MMP26: variants seen among roughly 807,000 people sequenced by gnomAD.
MMP26 encodes matrix metalloproteinase-26.
In MMP26, 33 loss-of-function variants were observed where a neutral mutation model predicts 31.0. The ratio of observed to expected loss-of-function variants is 1.06; its 90% CI spans 0.81 to 1.42. The LOEUF (loss-of-function observed/expected upper bound fraction) is 1.42. Ranked by LOEUF, MMP26 falls within the 40% of genes most tolerant of loss-of-function variation. MMP26 has a pLI of 0.00. For synonymous variants in MMP26, 122 were observed against 114.9 expected, an observed-to-expected ratio of 1.06 and a Z score of -0.40; for missense variants, 347 against 316.1, an observed-to-expected ratio of 1.10 and a Z score of -0.74.
At chr11:4,721,237 T>C (rs1027667889) in intron 1 of MMP26, among the ~76,000 whole-genome samples, 1 of 152,134 alleles carries the variant, frequency 6.6e-6, no homozygotes, top group Non-Finnish European at 1.5e-5. Flanking sequence ...ATGGTCATGA[T>C]AGGGGTTTTA....
intron 2 of MMP26, among the ~76,000 whole-genome samples, chr11:4,820,242 A>T (rs1849477018): frequency 6.6e-6 from 1 of 152,216 alleles, no homozygotes; most frequent in Non-Finnish European, 1.5e-5. Context: ...AATTTGGGGC[A>T]AATTACTTAA....
In MMP26 at chr11:4,804,196, A is replaced by G. The variant is rs61746698; in HGVS notation, c.-145+36855A>G. 1.6e-4 allele frequency: 251 copies of G among 1,614,176 alleles called. 2 individuals are homozygous for G. In the African/African-American group the frequency reaches 2.5e-3, roughly 16 times the overall value. On this transcript the variant is annotated intron_variant, in intron 2 of 7. Transcript: ENST00000380390. Reference sequence around the variant, plus strand: ...GGCCAGCATGGCCAGAAAGAGGTACATGGGCTCATGCAGGGTGTGGTCAAT... The same window carrying G: ...GGCCAGCATGGCCAGAAAGAGGTACGTGGGCTCATGCAGGGTGTGGTCAAT...
chr11:4,923,570 A>G (rs764674070), intron 2 of MMP26: 1 of 1,614,126 alleles, frequency 6.2e-7, no homozygotes, highest in Non-Finnish European at 8.5e-7. Context: ...CAAGCCAATC[A>G]TGGGGATGTA....
At chr11:4,809,554 G>T (rs1186116848) in intron 2 of MMP26, among the ~76,000 whole-genome samples, 1 of 152,180 alleles carries the variant, frequency 6.6e-6, no homozygotes, top group Non-Finnish European at 1.5e-5. Flanking sequence ...TCAACTGAGA[G>T]ATTTTGCTAA....
intron 2 of MMP26, among the ~76,000 whole-genome samples, chr11:4,915,976 C>A (rs1057064630): frequency 3.9e-5 from 6 of 152,108 alleles, no homozygotes; most frequent in African/African-American, 1.4e-4. Flanking sequence ...ACTTCTGTAT[C>A]AACCAGGTCT....
chr11:4,732,384 T>C (rs1444607935), intron 1 of MMP26, among the ~76,000 whole-genome samples: 1 of 152,128 alleles, frequency 6.6e-6, no homozygotes. Context: ...TCTTTAATTC[T>C]TTTTTAATAC....
intron 2 of MMP26, among the ~76,000 whole-genome samples, chr11:4,957,125 C>A (rs1236673927): frequency 6.6e-6 from 1 of 152,062 alleles, no homozygotes; most frequent in Non-Finnish European, 1.5e-5. Context: ...TCAGGATGGT[C>A]AAGCAATATT....
intron 2 of MMP26, among the ~76,000 whole-genome samples, chr11:4,771,878 A>G (rs1469753): frequency 0.19 from 28,265 of 149,672 alleles, 4,012 homozygotes; most frequent in African/African-American, 0.42. Flanking sequence ...AACCCTCATG[A>G]TATCTGACTT....
intron 2 of MMP26, among the ~76,000 whole-genome samples, chr11:4,839,178 C>A (rs886462041): frequency 6.6e-6 from 1 of 152,134 alleles, no homozygotes; most frequent in African/African-American, 2.4e-5. Context: ...CTGATCCCAG[C>A]AGTCAAAACT....
At chr11:4,847,453 A>C (rs1849888234) in intron 2 of MMP26, 1 of 150,944 alleles carries the variant, frequency 6.6e-6, no homozygotes, top group African/African-American at 2.4e-5. Flanking sequence ...GAAATATGCA[A>C]AAATTTAAAA....
chr11:4,938,699 A>G (rs1443821236), intron 2 of MMP26, among the ~76,000 whole-genome samples: 1 of 152,166 alleles, frequency 6.6e-6, no homozygotes, highest in South Asian at 2.1e-4. Context: ...CAAAATTTTG[A>G]AGGGAACAGC....
At chr11:4,789,524 C>A (rs1316674659) in intron 2 of MMP26, among the ~76,000 whole-genome samples, 2 of 131,046 alleles carry the variant, frequency 1.5e-5, no homozygotes, top group East Asian at 2.0e-4. Context: ...TAAAGATATC[C>A]CCCCACTTTT....
intron 2 of MMP26, chr11:4,882,619 C>T (rs1850490562): frequency 1.9e-6 from 3 of 1,613,930 alleles, no homozygotes; most frequent in Non-Finnish European, 1.7e-6. Flanking sequence ...AAAAAGCTCT[C>T]AGCACTTGTG....
intron 2 of MMP26, among the ~76,000 whole-genome samples, chr11:4,884,299 C>T (rs1360613504): frequency 6.6e-6 from 1 of 152,066 alleles, no homozygotes; most frequent in Non-Finnish European, 1.5e-5. Context: ...CTCCAAGTCC[C>T]TCATTGTAGC....
At chr11:4,793,130 C>T (rs538978389) in intron 2 of MMP26, among the ~76,000 whole-genome samples, 2 of 152,082 alleles carry the variant, frequency 1.3e-5, no homozygotes, top group Non-Finnish European at 2.9e-5. Flanking sequence ...TATTTGTATT[C>T]CTACTTTTAC....
chr11:4,793,983 G>A (rs964190742), intron 2 of MMP26: 1 of 152,158 alleles, frequency 6.6e-6, no homozygotes, highest in Non-Finnish European at 1.5e-5. Flanking sequence ...AATGTGGAAG[G>A]CATATATGCT....
At chr11:4,842,033 G>A (rs944016064) in intron 2 of MMP26, among the ~76,000 whole-genome samples, 3 of 152,128 alleles carry the variant, frequency 2.0e-5, no homozygotes, top group Non-Finnish European at 4.4e-5. Flanking sequence ...TAAGTACCTA[G>A]GAAAACACAA....
chr11:4,928,061 GGAGA>G (rs1320157344), intron 2 of MMP26, among the ~76,000 whole-genome samples: 1 of 151,766 alleles, frequency 6.6e-6, no homozygotes, highest in Non-Finnish European at 1.5e-5. Flanking sequence ...GGTCGAGGGG[GGAGA>G]GAGAGAGAGA....
chr11:4,991,279 A>C, intron 5 of MMP26, 92 bp from the exon 6 acceptor site: 1 of 1,453,580 alleles, frequency 6.9e-7, no homozygotes, highest in Non-Finnish European at 9.3e-7. Context: ...ACTGTTGCAC[A>C]GTATCCTAAG....
Sources: allele counts gnomAD v4.1 joint callset (sites outside exome capture counted in the v4.1 genomes callset), GRCh38; gene constraint gnomAD v4.1.1; transcripts MANE v1.5; gene names NCBI Gene and HGNC (gene_info 2026-07-23, HGNC 2026-07-21).